Variants in SPOCD1 observed in about 807,000 individuals in gnomAD.
SPOCD1 encodes the protein SPOC domain containing 1, also known as SPOC domain-containing protein 1.
Under a neutral mutation model 92.2 loss-of-function variants are expected in SPOCD1, and 64 were observed. The observed-to-expected ratio is 0.69, with a 90% CI of 0.57 to 0.86. The LOEUF (loss-of-function observed/expected upper bound fraction) is 0.86, where lower values mean the gene tolerates loss of function less well. Among genes scored for constraint, SPOCD1 ranks in the 40% least tolerant of loss-of-function variants. The probability of loss-of-function intolerance (pLI) is 0.00; values close to 1 mark genes in which losing one functional copy is unlikely to be tolerated. For synonymous variants in SPOCD1, 578 were observed against 619.3 expected, an observed-to-expected ratio of 0.93 and a Z score of 0.99; for missense variants, 1,360 against 1,543.1, an observed-to-expected ratio of 0.88 and a Z score of 1.99.
chr1:31,814,229 G>A lies in SPOCD1; in HGVS notation c.1105C>T (p.Gln369Ter), dbSNP rs762672284. Reference sequence around the variant, plus strand: ...TCCAGCCTTCCCCTGGAAGCTGGCTGAGCCTTGGCCTCCAGCTCCTCCTGG... The same window carrying A: ...TCCAGCCTTCCCCTGGAAGCTGGCTAAGCCTTGGCCTCCAGCTCCTCCTGG... ...QDQEELEAKA[Q>*]PASRGRLEQG... The change falls in exon 2 of 16, where the codon CAG becomes TAG. Residue 369 changes from glutamine to a stop codon, truncating the protein, a stop_gained. Transcript: ENST00000360482. LOFTEE classifies it high-confidence loss of function. The surrounding 1 kb of genome is among the most constrained non-coding windows in gnomAD (Gnocchi z 4.2). The A allele has an allele frequency of 2.5e-6, 4 of 1,582,646 alleles. No individual in the cohort carries two copies. The highest frequency in any genetic ancestry group is 3.4e-5 in the Admixed American group (2 of 58,286).
chr1:31,803,285 G>A (rs917992910), intron 2 of SPOCD1, among the ~76,000 whole-genome samples: 1 of 152,040 alleles, frequency 6.6e-6, no homozygotes, highest in African/African-American at 2.4e-5. Context: ...AGATTTGATC[G>A]GGAACCAAAC....
chr1:31,793,999 C>G, intron 11 of SPOCD1, 102 bp from the exon 12 acceptor site: 2 of 1,526,840 alleles, frequency 1.3e-6, no homozygotes, highest in Non-Finnish European at 1.8e-6. Context: ...TTCTAGGTGA[C>G]CTGGGGCACG....
intron 2 of SPOCD1, among the ~76,000 whole-genome samples, chr1:31,806,547 C>CTT (rs895099152): frequency 7.0e-5 from 10 of 143,620 alleles, no homozygotes; most frequent in Admixed American, 1.4e-4. Context: ...GATATGAAAA[C>CTT]TTTTTTTTTT....
chr1:31,801,549 G>A, intron 3 of SPOCD1, 115 bp downstream of exon 3: 1 of 883,704 alleles, frequency 1.1e-6, no homozygotes, highest in Non-Finnish European at 1.9e-6. Context: ...ATCCACTGGG[G>A]GAGGGCAGGC....
chr1:31,797,503 C>T (rs1369665052), intron 9 of SPOCD1, among the ~76,000 whole-genome samples: 2 of 152,250 alleles, frequency 1.3e-5, no homozygotes, highest in Non-Finnish European at 2.9e-5. Flanking sequence ...ATCCCTGGCC[C>T]CCACAGAGCC....
chr1:31,811,766 G>A (rs1014900955), intron 2 of SPOCD1, among the ~76,000 whole-genome samples: 10 of 152,284 alleles, frequency 6.6e-5, no homozygotes, highest in South Asian at 2.1e-4. Flanking sequence ...TTCTTCTCCC[G>A]CAGCTGGTAC....
chr1:31,814,147 C>T lies in SPOCD1; in HGVS notation c.1187G>A (p.Gly396Asp). The change falls in exon 2 of 16, where the codon GGC (glycine) becomes GAC (aspartate). Residue 396 changes from glycine to aspartate, a missense_variant. By Grantham distance (94) the Gly-to-Asp change is moderately conservative. Transcript: ENST00000360482. This position sits in a 1 kb window ranked among gnomAD's most constrained non-coding sequence, Gnocchi z 4.2. ...TCASSREPLG[G>D]LSSSLDTEAS... ...TTCAGTATCCAGGGAGGAGCTGAGG[C>T]CGCCCAAGGGCTCCCGGGAGCTGGC... 6.3e-7 allele frequency: 1 copy of T among 1,588,812 alleles called. No individual in the cohort carries two copies. The highest frequency in any genetic ancestry group is 8.6e-7 in the Non-Finnish European group (1 of 1,163,558).
In SPOCD1 at chr1:31,790,516, T is replaced by A. The variant is rs1055413395; in HGVS notation, c.*87A>T. On this transcript the variant is annotated 3_prime_UTR_variant, in exon 16 of 16. Coordinates refer to ENST00000360482, the MANE Select transcript of SPOCD1 (RefSeq NM_144569.7). ...CAGGGCAGGTGGGTAGGGCTGACCA[T>A]CCTCTCCTTGCAGTCCCACCTCTCT... 12 of 1,241,154 alleles carry A rather than the reference T, an allele frequency of 9.7e-6. No individual in the cohort carries two copies. Among genetic ancestry groups the A allele is most frequent in the Middle Eastern group, 2.2e-4 (1 of 4,544 alleles). 76.9% of individuals were successfully genotyped at this position (1,241,154 alleles called of 1,614,324 possible).
Position 31,796,634 on chromosome 1 carries a change from T to C in SPOCD1, c.2227A>G (p.Ile743Val), listed in dbSNP as rs1353607125. Residue 743 changes from isoleucine (I) to valine (V), a missense_variant, in exon 10 of 16, where the codon ATT (isoleucine) becomes GTT (valine). Coordinates refer to ENST00000360482, the MANE Select transcript of SPOCD1 (RefSeq NM_144569.7). ...SKMTHKGEVE[I>V]QRDMDQTLTL... The stretch of plus-strand genomic sequence containing the variant: ...AGTGTCTGGTCCATGTCCCGCTGAA[T>C]CTCCACTTCGCCCTTGTGGGTCATT... 3 of 1,614,218 alleles carry C rather than the reference T, an allele frequency of 1.9e-6. No individual in the cohort carries two copies. The highest frequency in any genetic ancestry group is 2.5e-6 in the Non-Finnish European group (3 of 1,180,038).
chr1:31,807,417 G>GGGGAGGGGGA (rs1648905444), intron 2 of SPOCD1, among the ~76,000 whole-genome samples: 1 of 8,522 alleles, frequency 1.2e-4, no homozygotes, highest in Non-Finnish European at 2.4e-4. Context: ...AGGGGAGGGA[G>GGGGAGGGGGA]GGGGAGGGAA....
chr1:31,799,334 G>T, intron 7 of SPOCD1, 67 bp downstream of exon 7: 1 of 1,390,176 alleles, frequency 7.2e-7, no homozygotes, highest in Non-Finnish European at 1.0e-6. Flanking sequence ...ACATGGCAGG[G>T]CCCCGGAGGC....
At chr1:31,795,832 T>G (rs577355772) in intron 10 of SPOCD1, 25 of 153,634 alleles carry the variant, frequency 1.6e-4, no homozygotes, top group Admixed American at 1.4e-3. Context: ...ACCCCTCTCC[T>G]GAACAGGCAG....
chr1:31,794,288 G>C, intron 10 of SPOCD1, 53 bp from the exon 11 acceptor site: 1 of 1,440,104 alleles, frequency 6.9e-7, no homozygotes, highest in South Asian at 1.2e-5. Context: ...GGGGTGCCCG[G>C]AGGCCTCCAT....
At position 31,796,647 on chromosome 1, in the gene SPOCD1, C is replaced by T. The variant is rs762336199; in HGVS notation, c.2214G>A (p.Lys738=). ...TGTCCCGCTGAATCTCCACTTCGCC[C>T]TTGTGGGTCATTTTGGAGGCTGGAA... ...CRLPASKMTH[K]GEVEIQRDMD... The change falls in exon 10 of 16, where the codon AAG becomes AAA. Residue 738 remains lysine (K), a synonymous_variant. Coordinates refer to ENST00000360482, the MANE Select transcript of SPOCD1 (RefSeq NM_144569.7). 1.9e-6 allele frequency: 3 copies of T among 1,614,222 alleles called. No individual in the cohort carries two copies. Among genetic ancestry groups the T allele is most frequent in the Non-Finnish European group, 2.5e-6 (3 of 1,180,054 alleles).
chr1:31,809,749 C>T (rs1344293194), intron 2 of SPOCD1, among the ~76,000 whole-genome samples: 4 of 152,140 alleles, frequency 2.6e-5, no homozygotes, highest in African/African-American at 4.8e-5. Flanking sequence ...TATCACTATT[C>T]GAGACTCTTA....
intron 14 of SPOCD1, 117 bp downstream of exon 14, chr1:31,792,561 G>A: frequency 8.9e-7 from 1 of 1,125,650 alleles, no homozygotes. Context: ...CAGTGAGTCT[G>A]CAGTCACTCT....
chr1:31,798,516 T>A lies in SPOCD1; in HGVS notation c.1954A>T (p.Thr652Ser). The A allele has an allele frequency of 1.2e-6, 2 of 1,614,010 alleles. No individual in the cohort carries two copies. Among genetic ancestry groups the A allele is most frequent in the Non-Finnish European group, 1.7e-6 (2 of 1,180,022 alleles). ...TTGTACCGGCCATTGGTGCCTTGTG[T>A]CAGGTCCCAGAGGGCTGCCTCAATG... ...AGIEAALWDL[T>S]QGTNGRYKTK... Residue 652 changes from threonine (T) to serine (S), a missense_variant, in exon 8 of 16, where the codon ACA (threonine) becomes TCA (serine). By Grantham distance (58) the Thr-to-Ser change is moderately conservative. Coordinates refer to ENST00000360482, the MANE Select transcript of SPOCD1 (RefSeq NM_144569.7). This position sits in a 1 kb window ranked among gnomAD's most constrained non-coding sequence, Gnocchi z 4.1.
chr1:31,801,616 C>A, intron 3 of SPOCD1, 48 bp downstream of exon 3: 1 of 1,590,098 alleles, frequency 6.3e-7, no homozygotes, highest in East Asian at 2.2e-5. Flanking sequence ...CTCCACCCCA[C>A]CTGAGGCAAG....
At position 31,811,786 on chromosome 1, in the gene SPOCD1, T is replaced by A. The variant is rs1189413691; in HGVS notation, c.1383+2165A>T. ...CTCCCGCAGCTGGTACTGGTTGTCA[T>A]GGCAACGAGTTGTTTGGAAAGCTGT... On this transcript the variant is annotated intron_variant, in intron 2 of 15. Transcript: ENST00000360482. 2.0e-5 allele frequency among the ~76,000 whole-genome samples: 3 copies of A among 152,226 alleles called. 1 individual carries two copies. Among genetic ancestry groups the A allele is most frequent in the Admixed American group, 2.0e-4 (3 of 15,284 alleles).
Sources: gnomAD v4.1 joint callset for allele counts (sites outside exome capture counted in the v4.1 genomes callset) on GRCh38, gnomAD v4.1.1 for gene constraint, Gnocchi (gnomAD v3.1) non-coding constraint, MANE v1.5 for transcripts, NCBI Gene and HGNC (gene_info 2026-07-23, HGNC 2026-07-21) for gene names.